ROBO1: variants seen among roughly 807,000 people sequenced by gnomAD.
ROBO1 encodes the protein roundabout homolog 1.
ROBO1 carries 149 observed loss-of-function variants against 195.9 expected under a neutral mutation model. The observed-to-expected ratio is 0.76, with a 90% CI of 0.67 to 0.87. The LOEUF (loss-of-function observed/expected upper bound fraction) is 0.87, where lower values mean the gene tolerates loss of function less well. Ranked by LOEUF, ROBO1 falls within the 40% of genes least tolerant of loss-of-function variation. The probability of loss-of-function intolerance (pLI) is 0.00; values close to 1 mark genes in which losing one functional copy is unlikely to be tolerated. For missense variants in ROBO1, 1,933 were observed against 2,068.3 expected (o/e 0.93, Z 1.27); for synonymous variants, 816 against 733.2 (o/e 1.11, Z -1.82).
At chr3:78,944,438 A>C (rs944464431) in intron 3 of ROBO1, among the ~76,000 whole-genome samples, 9 of 152,220 alleles carry the variant, frequency 5.9e-5, no homozygotes, top group African/African-American at 2.2e-4. Flanking sequence ...AGCCCTCATC[A>C]GAAACCAGCC....
At chr3:79,460,827 A>G (rs1282526812) in intron 2 of ROBO1, among the ~76,000 whole-genome samples, 4 of 151,992 alleles carry the variant, frequency 2.6e-5, no homozygotes, top group African/African-American at 9.7e-5. Context: ...AGCTCACTGC[A>G]AGCTGCACCT....
At chr3:78,683,300 C>G (rs2080974635) in intron 10 of ROBO1, among the ~76,000 whole-genome samples, 1 of 152,016 alleles carries the variant, frequency 6.6e-6, no homozygotes, top group Admixed American at 6.5e-5. Context: ...CCTGAATTGA[C>G]TCAGATTAAG....
chr3:79,443,122 A>G (rs2039116811), intron 2 of ROBO1, among the ~76,000 whole-genome samples: 1 of 152,178 alleles, frequency 6.6e-6, no homozygotes, highest in Admixed American at 6.6e-5. Flanking sequence ...TAAAAGGAAA[A>G]GAAGTAAAAA....
intron 1 of ROBO1, among the ~76,000 whole-genome samples, chr3:79,650,996 T>C (rs1375462000): frequency 6.6e-6 from 1 of 152,106 alleles, no homozygotes; most frequent in Non-Finnish European, 1.5e-5. Context: ...TTCTGGAATA[T>C]GGATATTTTG....
At chr3:79,496,241 T>C (rs1476623210) in intron 2 of ROBO1, among the ~76,000 whole-genome samples, 1 of 147,890 alleles carries the variant, frequency 6.8e-6, no homozygotes, top group Non-Finnish European at 1.5e-5. Flanking sequence ...AAAAGACTCG[T>C]AAAGCACTTA....
intron 4 of ROBO1, among the ~76,000 whole-genome samples, chr3:78,920,639 T>TC (rs1295045423): frequency 1.4e-5 from 2 of 138,622 alleles, no homozygotes; most frequent in African/African-American, 5.5e-5. Context: ...TTTTTTTTTT[T>TC]TTTTTTTTTT....
At chr3:79,432,611 T>C (rs1225634255) in intron 2 of ROBO1, among the ~76,000 whole-genome samples, 2 of 152,146 alleles carry the variant, frequency 1.3e-5, no homozygotes, top group African/African-American at 4.8e-5. Context: ...ATCTAATGCT[T>C]ACTAAGCATC....
At chr3:78,844,632 C>T (rs1482808129) in intron 4 of ROBO1, among the ~76,000 whole-genome samples, 2 of 151,970 alleles carry the variant, frequency 1.3e-5, no homozygotes, top group African/African-American at 4.8e-5. Flanking sequence ...TCTCCCTGCT[C>T]TTTTACCTCA....
rs529958632 is a variant in ROBO1 at position 79,455,939 on chromosome 3, G to A, written c.88+133885C>T. Among the ~76,000 whole-genome samples the A allele has an allele frequency of 1.6e-4, 24 of 152,090 alleles. 1 individual carries two copies. In the South Asian group the frequency reaches 4.1e-3, roughly 26 times the overall value. On this transcript the variant is annotated intron_variant, in intron 2 of 30. Transcript: ENST00000464233. ...CTGTATAACAGAAATAAAGAAACCC[G>A]AGTAGCTCTACATTTACCTTTCTGT...
At chr3:79,479,310 C>T (rs968097037) in intron 2 of ROBO1, among the ~76,000 whole-genome samples, 4 of 152,142 alleles carry the variant, frequency 2.6e-5, no homozygotes, top group Non-Finnish European at 5.9e-5. Context: ...AGGCATTAGT[C>T]GCATTCTCAT....
At chr3:79,390,332 A>G (rs996746648) in intron 2 of ROBO1, among the ~76,000 whole-genome samples, 1 of 152,144 alleles carries the variant, frequency 6.6e-6, no homozygotes, top group Non-Finnish European at 1.5e-5. Flanking sequence ...AGCTAGGGAT[A>G]TAAGATTGGG....
intron 8 of ROBO1, among the ~76,000 whole-genome samples, chr3:78,708,973 G>C (rs1575986137): frequency 1.3e-5 from 2 of 152,052 alleles, no homozygotes; most frequent in East Asian, 3.9e-4. Context: ...TTAAAAAGAT[G>C]CTTGATTTTG....
At chr3:79,111,064 A>C (rs531915113) in intron 3 of ROBO1, among the ~76,000 whole-genome samples, 1 of 152,298 alleles carries the variant, frequency 6.6e-6, no homozygotes, top group Admixed American at 6.5e-5. Flanking sequence ...ACAATAGACT[A>C]TTATGACTTT....
Position 78,863,399 on chromosome 3 carries a change from T to A in ROBO1, c.499+75202A>T, listed in dbSNP as rs112091205. On this transcript the variant is annotated intron_variant, in intron 4 of 30. Transcript: ENST00000464233. ...CAACTTTCAGATTTTTACAACTAAG[T>A]GCAGGAAGGAGCAGCCAGGGGGGAA... 8.4e-3 allele frequency among the ~76,000 whole-genome samples: 1,280 copies of A among 152,262 alleles called. 22 individuals are homozygous for A. The highest frequency in any genetic ancestry group is 0.027 in the African/African-American group (1,141 of 41,548).
intron 1 of ROBO1, among the ~76,000 whole-genome samples, chr3:79,666,450 C>T (rs1346500935): frequency 6.6e-6 from 1 of 151,848 alleles, no homozygotes; most frequent in Non-Finnish European, 1.5e-5. Flanking sequence ...TTGGCTATAT[C>T]CCCACTGAAA....
intron 1 of ROBO1, among the ~76,000 whole-genome samples, chr3:79,718,962 A>C (rs1702594404): frequency 6.6e-6 from 1 of 152,086 alleles, no homozygotes; most frequent in Non-Finnish European, 1.5e-5. Flanking sequence ...CTTAAGCAGA[A>C]GGTATCTGTA....
At chr3:79,709,236 A>T (rs1702179721) in intron 1 of ROBO1, among the ~76,000 whole-genome samples, 1 of 152,148 alleles carries the variant, frequency 6.6e-6, no homozygotes. Flanking sequence ...TTTTTCCAAG[A>T]TCTTAATTTG....
chr3:79,275,970 T>C (rs1296793167), intron 2 of ROBO1, among the ~76,000 whole-genome samples: 1 of 151,784 alleles, frequency 6.6e-6, no homozygotes, highest in Non-Finnish European at 1.5e-5. Context: ...ATGCAAGAAA[T>C]TGAAGAGGAC....
At chr3:79,171,868 A>T (rs2108697107) in intron 2 of ROBO1, among the ~76,000 whole-genome samples, 1 of 152,254 alleles carries the variant, frequency 6.6e-6, no homozygotes, top group Admixed American at 6.5e-5. Context: ...CTTATAAGTT[A>T]TGTTGTACAC....
Sources: allele counts gnomAD v4.1 joint callset (sites outside exome capture counted in the v4.1 genomes callset), GRCh38; gene constraint gnomAD v4.1.1; transcripts MANE v1.5; gene names NCBI Gene and HGNC (gene_info 2026-07-23, HGNC 2026-07-21).